Variants in TTC39B observed in about 807,000 individuals in gnomAD.
TTC39B encodes tetratricopeptide repeat protein 39B.
A neutral mutation model predicts 96.6 loss-of-function variants in TTC39B; 92 were observed. The ratio of observed to expected loss-of-function variants is 0.95; its 90% CI spans 0.80 to 1.13. The LOEUF (loss-of-function observed/expected upper bound fraction) is 1.13, where lower values mean the gene tolerates loss of function less well. Ranked by LOEUF, TTC39B falls within the 50% of genes most tolerant of loss-of-function variation. The pLI is 0.00. For synonymous variants in TTC39B, 367 were observed against 299.4 expected (o/e 1.23, Z -2.33); for missense variants, 955 against 809.3 (o/e 1.18, Z -2.18).
Position 15,207,744 on chromosome 9 carries a change from G to A in TTC39B, c.691+2344C>T, listed in dbSNP as rs567746813. The stretch of plus-strand genomic sequence containing the variant: ...CTCACACCTGTAATCCCAGTACTTC[G>A]GGAGGCTGAGGCGGGCGGATCACAA... On this transcript the variant is annotated intron_variant, in intron 6 of 19. Coordinates refer to ENST00000512701, the Ensembl canonical transcript of TTC39B. Among the ~76,000 whole-genome samples the A allele has an allele frequency of 1.8e-3, 278 of 152,010 alleles. 2 individuals are homozygous for A. Among genetic ancestry groups the A allele is most frequent in the African/African-American group, 6.4e-3 (264 of 41,484 alleles).
chr9:15,282,749 T>C (rs1341593391), intron 1 of TTC39B, among the ~76,000 whole-genome samples: 1 of 152,168 alleles, frequency 6.6e-6, no homozygotes, highest in Non-Finnish European at 1.5e-5. Flanking sequence ...ATGATGAAAC[T>C]GGAGCACAGA....
chr9:15,214,434 T>C (rs1210596911), intron 3 of TTC39B, among the ~76,000 whole-genome samples, 185 bp from the exon 4 acceptor site: 1 of 151,830 alleles, frequency 6.6e-6, no homozygotes, highest in African/African-American at 2.4e-5. Flanking sequence ...ATGTGCTTCA[T>C]TGGAAAACCA....
intron 2 of TTC39B, among the ~76,000 whole-genome samples, chr9:15,259,053 C>G (rs1822855315): frequency 6.6e-6 from 1 of 152,082 alleles, no homozygotes; most frequent in Non-Finnish European, 1.5e-5. Context: ...GAGAAGCAAG[C>G]CCAGTGGTAA....
At chr9:15,209,840 C>CA (rs202080757) in intron 6 of TTC39B, among the ~76,000 whole-genome samples, 29 of 145,028 alleles carry the variant, frequency 2.0e-4, no homozygotes, top group Non-Finnish European at 2.7e-4. Context: ...TCTATGCTTG[C>CA]AAAAAAAAAA....
At chr9:15,197,093 C>T (rs777483966) in intron 8 of TTC39B, among the ~76,000 whole-genome samples, 1 of 152,160 alleles carries the variant, frequency 6.6e-6, no homozygotes. Context: ...GCAGACTTAA[C>T]AGAATACAGT....
chr9:15,281,892 G>A (rs1823778974), intron 1 of TTC39B, among the ~76,000 whole-genome samples: 1 of 151,982 alleles, frequency 6.6e-6, no homozygotes, highest in Non-Finnish European at 1.5e-5. Context: ...TGGTCAGGCT[G>A]GTCTCAAACT....
At chr9:15,203,972 G>C (rs1586864887) in intron 6 of TTC39B, 82 bp from the exon 7 acceptor site, 2 of 1,339,312 alleles carry the variant, frequency 1.5e-6, no homozygotes, top group Non-Finnish European at 2.0e-6. Context: ...AAGACTGGCA[G>C]AAAAATGAAC....
chr9:15,280,362 C>T lies in TTC39B; in HGVS notation c.241-12414G>A, dbSNP rs1032547573. Among the ~76,000 whole-genome samples the T allele has an allele frequency of 7.2e-5, 11 of 152,300 alleles. No individual in the cohort carries two copies. In the South Asian group the frequency reaches 1.4e-3, roughly 20 times the overall value. On this transcript the variant is annotated intron_variant, in intron 1 of 19. Coordinates refer to ENST00000512701, the Ensembl canonical transcript of TTC39B. ...TCCCTTTACAGAAAAAGTTTGCCTA[C>T]GTTTGCGCAATGAATGAAACATCAG... is the stretch of plus-strand genomic sequence containing the variant.
At chr9:15,196,659 A>G (rs1000150541) in intron 8 of TTC39B, among the ~76,000 whole-genome samples, 38 of 152,234 alleles carry the variant, frequency 2.5e-4, no homozygotes, top group African/African-American at 2.2e-4. Flanking sequence ...TCTTGAGATG[A>G]AATCTATTCC....
intron 2 of TTC39B, among the ~76,000 whole-genome samples, chr9:15,235,019 TGATC>T (rs1564375076): frequency 1.7e-5 from 1 of 57,846 alleles, no homozygotes; most frequent in African/African-American, 7.4e-5. Flanking sequence ...CACCCAAGAA[TGATC>T]AATAAATAAA....
rs1251015466 is a variant in TTC39B at position 15,268,052 on chromosome 9, G to A, written c.241-104C>T. 5 of 986,462 alleles carry A rather than the reference G, an allele frequency of 5.1e-6. No homozygotes were observed. In the East Asian group the frequency reaches 1.2e-4, roughly 24 times the overall value. The allele number at this position is 986,462 out of a possible 1,614,324, so 61.1% of individuals were successfully genotyped here. A position where few individuals can be genotyped will look rare whatever the true frequency, so the allele number is the denominator to read the frequency against. On this transcript the variant is annotated intron_variant, in intron 1 of 19. Coordinates refer to ENST00000512701, the Ensembl canonical transcript of TTC39B. ...TACACGCATTGGGGAGAGTGGTCCTGGCAGGAAGGTATAGCAGGCAGTAGA... is the reference window on the plus strand; with the variant it reads ...TACACGCATTGGGGAGAGTGGTCCTAGCAGGAAGGTATAGCAGGCAGTAGA...
intron 2 of TTC39B, among the ~76,000 whole-genome samples, chr9:15,251,945 GC>G: frequency 6.6e-6 from 1 of 151,812 alleles, no homozygotes; most frequent in East Asian, 1.9e-4. Flanking sequence ...AGGGGATATA[GC>G]AGGGAGCAGA....
chr9:15,175,192 TC>T, intron 18 of TTC39B, 57 bp from the exon 19 acceptor site: 1 of 1,182,242 alleles, frequency 8.5e-7, no homozygotes, highest in Non-Finnish European at 1.2e-6. Flanking sequence ...TACACATTTT[TC>T]TAAATATATA....
chr9:15,257,533 C>T (rs1207276157), intron 2 of TTC39B, among the ~76,000 whole-genome samples: 3 of 152,044 alleles, frequency 2.0e-5, no homozygotes, highest in Non-Finnish European at 4.4e-5. Flanking sequence ...AACACAGCCT[C>T]GACTTCTGCG....
exon 20 of TTC39B, chr9:15,168,020 C>G (rs1311520004): frequency 6.6e-6 from 1 of 152,160 alleles, no homozygotes; most frequent in Non-Finnish European, 1.5e-5. Context: ...AAAAAGCAAA[C>G]TTCACAGATA....
intron 2 of TTC39B, among the ~76,000 whole-genome samples, chr9:15,243,740 T>A (rs1165993219): frequency 6.6e-6 from 1 of 152,022 alleles, no homozygotes; most frequent in Non-Finnish European, 1.5e-5. Flanking sequence ...CAATAGCCCA[T>A]CTCTACAAAA....
At chr9:15,259,234 C>A (rs1346356062) in intron 2 of TTC39B, among the ~76,000 whole-genome samples, 1 of 152,176 alleles carries the variant, frequency 6.6e-6, no homozygotes, top group African/African-American at 2.4e-5. Context: ...TGCCCTAAAT[C>A]AAAGTTATGT....
chr9:15,306,646 T>C lies in TTC39B; in HGVS notation c.240+438A>G, dbSNP rs949486507. ...CGGTTCTGCCACCAGGAAACTTCCATAGAAGGTGAGATTCCCAGGTCGAGG... is the reference window on the plus strand; with the variant it reads ...CGGTTCTGCCACCAGGAAACTTCCACAGAAGGTGAGATTCCCAGGTCGAGG... On this transcript the variant is annotated intron_variant, in intron 1 of 19. Coordinates refer to ENST00000512701, the Ensembl canonical transcript of TTC39B. This position sits in a 1 kb window ranked among gnomAD's most constrained non-coding sequence, Gnocchi z 5.1. Among the ~76,000 whole-genome samples, 1 of 152,166 alleles carries C rather than the reference T, an allele frequency of 6.6e-6. No homozygotes were observed. The highest frequency in any genetic ancestry group is 2.1e-4 in the South Asian group (1 of 4,834).
chr9:15,240,093 T>C (rs1821971138), intron 2 of TTC39B, among the ~76,000 whole-genome samples: 1 of 152,172 alleles, frequency 6.6e-6, no homozygotes, highest in Non-Finnish European at 1.5e-5. Flanking sequence ...TCATGGCCGA[T>C]GATCAGAGGA....
Sources: gnomAD v4.1 joint callset for allele counts (sites outside exome capture counted in the v4.1 genomes callset) on GRCh38, gnomAD v4.1.1 for gene constraint, Gnocchi (gnomAD v3.1) non-coding constraint, MANE v1.5 for transcripts, NCBI Gene and HGNC (gene_info 2026-07-23, HGNC 2026-07-21) for gene names.